SORCS3: variants seen among roughly 807,000 people sequenced by gnomAD.
The protein encoded by SORCS3 is sortilin related VPS10 domain containing receptor 3.
Under a neutral mutation model 146.3 loss-of-function variants are expected in SORCS3, and 57 were observed. The ratio of observed to expected loss-of-function variants is 0.39; its 90% CI spans 0.31 to 0.49. The LOEUF (loss-of-function observed/expected upper bound fraction) is 0.49, where lower values mean the gene tolerates loss of function less well. Among genes scored for constraint, SORCS3 ranks in the 20% least tolerant of loss-of-function variants. SORCS3 has a pLI of 0.92. For missense variants in SORCS3, 1,341 were observed against 1,575.5 expected (o/e 0.85, Z 2.52); for synonymous variants, 653 against 618.5 (o/e 1.06, Z -0.83).
chr10:104,753,983 T>C (rs1344989676), intron 1 of SORCS3, among the ~76,000 whole-genome samples: 1 of 152,228 alleles, frequency 6.6e-6, no homozygotes, highest in African/African-American at 2.4e-5. Context: ...AGAGTCTTAA[T>C]TTGGTAGACC....
In SORCS3 at chr10:104,860,972, C is replaced by T. The variant is rs185726892; in HGVS notation, c.695+18113C>T. Among the ~76,000 whole-genome samples the T allele has an allele frequency of 7.2e-5, 11 of 152,252 alleles. No individual in the cohort carries two copies. The East Asian group carries it at 2.1e-3, about 30-fold the overall frequency. ...CTCAGTGGAAGACCCAGGTGCAAAG[C>T]CTTAAGTGAAGGATGAAGAGTAGGG... On this transcript the variant is annotated intron_variant, in intron 2 of 26. Transcript: ENST00000369701.
intron 1 of SORCS3, among the ~76,000 whole-genome samples, chr10:104,724,574 C>T (rs1206735171): frequency 6.6e-6 from 1 of 152,110 alleles, no homozygotes; most frequent in African/African-American, 2.4e-5. Context: ...AGAGTGTTTT[C>T]CAACTTGGTT....
intron 5 of SORCS3, among the ~76,000 whole-genome samples, chr10:105,052,679 G>A (rs2133711852): frequency 6.6e-6 from 1 of 152,202 alleles, no homozygotes; most frequent in East Asian, 1.9e-4. Context: ...GGTTGGTGGT[G>A]ATGAGTTGTT....
At chr10:104,833,754 A>G (rs929753535) in intron 1 of SORCS3, among the ~76,000 whole-genome samples, 1 of 152,196 alleles carries the variant, frequency 6.6e-6, no homozygotes, top group Non-Finnish European at 1.5e-5. Context: ...TTACAAGTCC[A>G]TCCAATCACT....
At chr10:105,198,728 T>C (rs145998636) in intron 14 of SORCS3, among the ~76,000 whole-genome samples, 193 of 152,034 alleles carry the variant, frequency 1.3e-3, no homozygotes, top group Non-Finnish European at 2.4e-3. Context: ...CATGCTGAGC[T>C]TAGATCCACA....
At chr10:104,911,608 T>C (rs2018968673) in intron 2 of SORCS3, among the ~76,000 whole-genome samples, 1 of 152,208 alleles carries the variant, frequency 6.6e-6, no homozygotes, top group Non-Finnish European at 1.5e-5. Context: ...AAGATGATAG[T>C]TGGAAAACAA....
chr10:104,760,238 G>A (rs185274604), intron 1 of SORCS3, among the ~76,000 whole-genome samples: 14 of 152,302 alleles, frequency 9.2e-5, no homozygotes, highest in Admixed American at 4.6e-4. Context: ...GGGCCAGACT[G>A]TGAACTTAGC....
At chr10:104,983,899 C>G (rs1354569876) in intron 4 of SORCS3, among the ~76,000 whole-genome samples, 1 of 151,986 alleles carries the variant, frequency 6.6e-6, no homozygotes, top group African/African-American at 2.4e-5. Flanking sequence ...GTCATTCTTT[C>G]AATTTTAAAA....
chr10:105,047,774 A>G (rs543223099), intron 5 of SORCS3, among the ~76,000 whole-genome samples: 1 of 152,176 alleles, frequency 6.6e-6, no homozygotes, highest in East Asian at 1.9e-4. Context: ...CTTACACACT[A>G]TGGGTTTCTA....
At position 105,161,452 on chromosome 10, in the gene SORCS3, C is replaced by T. The variant is rs117933778; in HGVS notation, c.1732+2458C>T. ...CAGTCACCCTGGGCTCTCTCCACTCCCACTGCTGACTCCCTTTTCCCACTT... is the reference window on the plus strand; with the variant it reads ...CAGTCACCCTGGGCTCTCTCCACTCTCACTGCTGACTCCCTTTTCCCACTT... On this transcript the variant is annotated intron_variant, in intron 11 of 26. Transcript: ENST00000369701. Among the ~76,000 whole-genome samples, 1,511 of 152,256 alleles carry T rather than the reference C, an allele frequency of 9.9e-3. 12 individuals are homozygous for T. The highest frequency in any genetic ancestry group is 0.014 in the Non-Finnish European group (958 of 68,022).
intron 1 of SORCS3, among the ~76,000 whole-genome samples, chr10:104,645,069 G>A (rs2015474817): frequency 6.6e-6 from 1 of 152,144 alleles, no homozygotes; most frequent in South Asian, 2.1e-4. Context: ...AGGAGAAGGA[G>A]TGCAACTGGC....
chr10:105,057,511 T>C (rs1283355171), intron 5 of SORCS3, among the ~76,000 whole-genome samples: 1 of 152,128 alleles, frequency 6.6e-6, no homozygotes, highest in Non-Finnish European at 1.5e-5. Flanking sequence ...ACCATTGTTT[T>C]AGGAGGATGC....
chr10:104,907,127 C>CTGTGTGTGTGTG (rs139418206), intron 2 of SORCS3, among the ~76,000 whole-genome samples: 27 of 147,990 alleles, frequency 1.8e-4, no homozygotes, highest in Middle Eastern at 3.4e-3. Flanking sequence ...CTGTATAGTA[C>CTGTGTGTGTGTG]TGTGTGTGTG....
At chr10:105,225,137 T>C (rs758876701) in intron 20 of SORCS3, among the ~76,000 whole-genome samples, 1 of 152,144 alleles carries the variant, frequency 6.6e-6, no homozygotes, top group Admixed American at 6.6e-5. Context: ...ATTGGTGTTG[T>C]ATCTCAAATG....
At chr10:105,077,559 CACACACAG>C (rs149894449) in intron 5 of SORCS3, among the ~76,000 whole-genome samples, 7,679 of 106,172 alleles carry the variant, frequency 0.072, 343 homozygotes, top group African/African-American at 0.13. Context: ...CACACACACA[CACACACAG>C]AGGGATGGTA....
At chr10:104,817,330 C>T (rs2017808727) in intron 1 of SORCS3, among the ~76,000 whole-genome samples, 1 of 150,644 alleles carries the variant, frequency 6.6e-6, no homozygotes, top group East Asian at 2.0e-4. Context: ...CTTTTCTCCT[C>T]CCTTCCCTGC....
At chr10:105,061,167 A>C (rs1324552983) in intron 5 of SORCS3, among the ~76,000 whole-genome samples, 1 of 152,130 alleles carries the variant, frequency 6.6e-6, no homozygotes, top group East Asian at 1.9e-4. Flanking sequence ...ATTTGTTGGA[A>C]AGCTGTGCTC....
intron 2 of SORCS3, among the ~76,000 whole-genome samples, chr10:104,860,611 A>T (rs934785476): frequency 2.0e-5 from 3 of 152,210 alleles, no homozygotes; most frequent in Admixed American, 6.5e-5. Flanking sequence ...AAACAACAAC[A>T]GCAGCATCAA....
At chr10:105,174,274 G>A (rs983303285) in intron 13 of SORCS3, among the ~76,000 whole-genome samples, 1 of 152,106 alleles carries the variant, frequency 6.6e-6, no homozygotes, top group South Asian at 2.1e-4. Context: ...ACTGATTTCA[G>A]TTTCCCTGTG....
Sources: gnomAD v4.1 joint callset for allele counts (sites outside exome capture counted in the v4.1 genomes callset) on GRCh38, gnomAD v4.1.1 for gene constraint, MANE v1.5 for transcripts, NCBI Gene and HGNC (gene_info 2026-07-23, HGNC 2026-07-21) for gene names.